REC114: variants seen among roughly 807,000 people sequenced by gnomAD.
REC114 encodes REC114 meiotic recombination protein, also known as meiotic recombination protein REC114.
In REC114, 27 loss-of-function variants were observed where a neutral mutation model predicts 31.3. The ratio of observed to expected loss-of-function variants is 0.86; its 90% CI spans 0.64 to 1.19. REC114 has a LOEUF of 1.19. REC114 is among the 50% of genes most tolerant of loss of function. The probability of loss-of-function intolerance (pLI) is 0.00; values close to 1 mark genes in which losing one functional copy is unlikely to be tolerated. For synonymous variants in REC114, 134 were observed against 127.7 expected, an observed-to-expected ratio of 1.05 and a Z score of -0.33; for missense variants, 344 against 326.9, an observed-to-expected ratio of 1.05 and a Z score of -0.40.
chr15:73,482,939 G>A (rs933512629), intron 2 of REC114, among the ~76,000 whole-genome samples: 2 of 151,562 alleles, frequency 1.3e-5, no homozygotes, highest in African/African-American at 2.4e-5. Flanking sequence ...TTCCACAGGG[G>A]CTGTACCATT....
chr15:73,546,528 A>G (rs1029550154), intron 3 of REC114, among the ~76,000 whole-genome samples: 2 of 152,130 alleles, frequency 1.3e-5, no homozygotes, highest in Non-Finnish European at 1.5e-5. Context: ...GTATACTTCT[A>G]TTTTTATATA....
intron 3 of REC114, among the ~76,000 whole-genome samples, chr15:73,546,558 TTA>T (rs1265661337): frequency 7.0e-6 from 1 of 143,328 alleles, no homozygotes; most frequent in African/African-American, 2.7e-5. Flanking sequence ...AAATTAAAAA[TTA>T]TGTTATAGAA....
intron 1 of REC114, among the ~76,000 whole-genome samples, chr15:73,444,068 A>G (rs149050665): frequency 3.9e-5 from 6 of 152,354 alleles, no homozygotes; most frequent in Admixed American, 1.3e-4. Flanking sequence ...ATTCGAGAAT[A>G]CTTTATTGCT....
Position 73,559,870 on chromosome 15 carries a change from A to T in REC114, c.755A>T (p.Glu252Val), listed in dbSNP as rs1266938866. The change falls in exon 6 of 6, where the codon GAA becomes GTA. Residue 252 changes from glutamate to valine, a missense_variant. Coordinates refer to ENST00000331090, the MANE Select transcript of REC114 (RefSeq NM_001042367.2). ...LMDQNFPAFV[E>V]EVEKELKKLA... ...GATCAGAATTTCCCAGCATTTGTGGAAGAGGTAGAAAAGGAACTGAAAAAG... is the reference window on the plus strand; with the variant it reads ...GATCAGAATTTCCCAGCATTTGTGGTAGAGGTAGAAAAGGAACTGAAAAAG... 1.9e-6 allele frequency: 3 copies of T among 1,612,636 alleles called. No homozygotes were observed. Among genetic ancestry groups the T allele is most frequent in the Non-Finnish European group, 2.5e-6 (3 of 1,179,244 alleles).
rs1394880359 is a variant in REC114, at chr15:73,559,823, C to T, written c.708C>T (p.Pro236=). 2 of 1,612,930 alleles carry T rather than the reference C, an allele frequency of 1.2e-6. No homozygotes were observed. Among genetic ancestry groups the T allele is most frequent in the South Asian group, 1.1e-5 (1 of 90,900 alleles). The change falls in exon 6 of 6, where the codon CCC becomes CCT. Residue 236 remains proline (P), a synonymous_variant. Transcript: ENST00000331090. ...CATGGGGTGCAGAAGAGTTAGGCCC[C>T]TTCCTACGTTTGTGCCTTATGGATC... ...QSAWGAEELG[P]FLRLCLMDQN... is the part of the protein sequence containing the mutation.
intron 3 of REC114, among the ~76,000 whole-genome samples, chr15:73,543,690 ATTAGT>A (rs1196014287): frequency 6.6e-6 from 1 of 152,118 alleles, no homozygotes; most frequent in East Asian, 1.9e-4. Flanking sequence ...TTTTTTCTGA[ATTAGT>A]TTAAATTTAA....
At chr15:73,457,065 C>CTTTTTTTTTTTTTTTTTTTTTTTTAG (rs934090597) in intron 1 of REC114, among the ~76,000 whole-genome samples, 1 of 68,014 alleles carries the variant, frequency 1.5e-5, no homozygotes, top group Admixed American at 1.5e-4. Flanking sequence ...TATTTCTGAG[C>CTTTTTTTTTTTTTTTTTTTTTTTTAG]TTTTTTTTTT....
chr15:73,555,737 TG>T (rs2141338434), intron 4 of REC114, among the ~76,000 whole-genome samples: 2 of 151,328 alleles, frequency 1.3e-5, no homozygotes, highest in South Asian at 4.4e-4. Flanking sequence ...AGAAGATATC[TG>T]TAAGTTTTAC....
Position 73,556,407 on chromosome 15 carries a change from G to A in REC114, c.636+16G>A, listed in dbSNP as rs1595884784. 1 of 1,604,444 alleles carries A rather than the reference G, an allele frequency of 6.2e-7. No individual in the cohort carries two copies. Among genetic ancestry groups the A allele is most frequent in the African/African-American group, 1.3e-5 (1 of 74,564 alleles). ...GTTAGCTCAGGTAGAGCTTATTTCT[G>A]TGTTCAATTTTCTTGTCATGAGAAG... On this transcript the variant is annotated intron_variant, in intron 5 of 5. Transcript: ENST00000331090.
intron 2 of REC114, among the ~76,000 whole-genome samples, chr15:73,522,141 C>T (rs188159340): frequency 6.6e-6 from 1 of 152,286 alleles, no homozygotes. Flanking sequence ...CCAGCCTCCT[C>T]TCCTTCCCTG....
chr15:73,494,761 C>G (rs938504848), intron 2 of REC114, among the ~76,000 whole-genome samples: 4 of 152,142 alleles, frequency 2.6e-5, no homozygotes, highest in African/African-American at 9.7e-5. Context: ...AAATAATTCA[C>G]TTTCTATAGT....
At chr15:73,496,578 G>A (rs1358647089) in intron 2 of REC114, among the ~76,000 whole-genome samples, 4 of 151,194 alleles carry the variant, frequency 2.6e-5, no homozygotes, top group South Asian at 2.1e-4. Context: ...GTTTGAATCC[G>A]GGAGGTGGAG....
At chr15:73,477,165 A>G (rs1893226154) in intron 2 of REC114, among the ~76,000 whole-genome samples, 3 of 152,114 alleles carry the variant, frequency 2.0e-5, no homozygotes, top group Non-Finnish European at 2.9e-5. Flanking sequence ...TCATTGGTGA[A>G]GTGTCTGTTC....
At chr15:73,538,455 C>CTTTTTTTTTTT (rs34642401) in intron 2 of REC114, among the ~76,000 whole-genome samples, 1 of 124,110 alleles carries the variant, frequency 8.1e-6, no homozygotes, top group Non-Finnish European at 1.6e-5. Context: ...AATTCTATTT[C>CTTTTTTTTTTT]TTTTTTTTTT....
At chr15:73,465,926 A>G (rs1185540307) in intron 1 of REC114, among the ~76,000 whole-genome samples, 1 of 152,150 alleles carries the variant, frequency 6.6e-6, no homozygotes, top group Non-Finnish European at 1.5e-5. Flanking sequence ...ATCTCAGCTC[A>G]TTGCAACCTC....
At chr15:73,501,585 C>G (rs960281597) in intron 2 of REC114, among the ~76,000 whole-genome samples, 8 of 152,148 alleles carry the variant, frequency 5.3e-5, no homozygotes, top group African/African-American at 1.9e-4. Flanking sequence ...GCTGGAATAA[C>G]AGGTATGTGC....
chr15:73,541,642 CCT>C (rs1595881458), intron 3 of REC114, among the ~76,000 whole-genome samples: 1 of 152,110 alleles, frequency 6.6e-6, no homozygotes, highest in East Asian at 1.9e-4. Flanking sequence ...TTCAAGAACC[CCT>C]GTTTTGTTTC....
intron 2 of REC114, among the ~76,000 whole-genome samples, chr15:73,480,346 CAAAT>C (rs967085402): frequency 1.3e-5 from 2 of 150,988 alleles, no homozygotes; most frequent in African/African-American, 4.9e-5. Flanking sequence ...TTTAAATAAA[CAAAT>C]TTATTTAAAA....
chr15:73,553,487 A>G (rs921916743), intron 4 of REC114, among the ~76,000 whole-genome samples: 7 of 152,196 alleles, frequency 4.6e-5, no homozygotes, highest in African/African-American at 1.7e-4. Context: ...AGATGATAGT[A>G]TAGTATACCC....
Sources: gnomAD v4.1 joint callset for allele counts (sites outside exome capture counted in the v4.1 genomes callset) on GRCh38, gnomAD v4.1.1 for gene constraint, MANE v1.5 for transcripts, NCBI Gene and HGNC (gene_info 2026-07-23, HGNC 2026-07-21) for gene names.